GRIN2B: variants seen among roughly 807,000 people sequenced by gnomAD.
GRIN2B encodes the protein glutamate ionotropic receptor NMDA type subunit 2B.
Under a neutral mutation model 114.5 loss-of-function variants are expected in GRIN2B, and 5 were observed. The observed-to-expected ratio is 0.04, with a 90% CI of 0.02 to 0.09. GRIN2B has a LOEUF of 0.09. Ranked by LOEUF, GRIN2B falls within the 10% of genes least tolerant of loss-of-function variation. The pLI, the probability that GRIN2B is intolerant of heterozygous loss-of-function variation, is 1.00. For synonymous variants in GRIN2B, 787 were observed against 745.1 expected (o/e 1.06, Z -0.92); for missense variants, 1,108 against 1,943.5 (o/e 0.57, Z 8.08).
intron 3 of GRIN2B, among the ~76,000 whole-genome samples, chr12:13,822,843 C>A (rs1864964452): frequency 6.6e-6 from 1 of 152,080 alleles, no homozygotes; most frequent in African/African-American, 2.4e-5. Context: ...ATAAATGACA[C>A]CCAATCCTAG....
At chr12:13,957,074 C>T (rs538891364) in intron 2 of GRIN2B, among the ~76,000 whole-genome samples, 1 of 152,050 alleles carries the variant, frequency 6.6e-6, no homozygotes, top group South Asian at 2.1e-4. Context: ...GAATAGTGAA[C>T]AAGAAAAGAG....
chr12:13,962,240 G>C (rs1340617509), intron 2 of GRIN2B, among the ~76,000 whole-genome samples: 1 of 152,046 alleles, frequency 6.6e-6, no homozygotes, highest in African/African-American at 2.4e-5. Flanking sequence ...AACCAGGCGG[G>C]AGCAGAGGGA....
At chr12:13,808,881 C>T (rs572124236) in intron 3 of GRIN2B, among the ~76,000 whole-genome samples, 2 of 151,890 alleles carry the variant, frequency 1.3e-5, no homozygotes, top group South Asian at 4.2e-4. Context: ...CCAGTCATGA[C>T]AAAAACAAAA....
intron 4 of GRIN2B, among the ~76,000 whole-genome samples, chr12:13,694,852 G>C (rs1210314047): frequency 6.6e-6 from 1 of 151,526 alleles, no homozygotes; most frequent in Non-Finnish European, 1.5e-5. Context: ...ACTTTTTCCA[G>C]GACTGGGGAA....
At chr12:13,811,671 A>G (rs1864733612) in intron 3 of GRIN2B, among the ~76,000 whole-genome samples, 1 of 152,236 alleles carries the variant, frequency 6.6e-6, no homozygotes, top group Non-Finnish European at 1.5e-5. Flanking sequence ...TCTATTACTT[A>G]CCTGAGGGCT....
intron 2 of GRIN2B, among the ~76,000 whole-genome samples, chr12:13,908,510 C>T (rs1456496615): frequency 2.0e-5 from 3 of 152,160 alleles, no homozygotes; most frequent in African/African-American, 7.2e-5. Flanking sequence ...GTTGATATGG[C>T]TAGTAACTAG....
intron 3 of GRIN2B, among the ~76,000 whole-genome samples, chr12:13,761,932 A>G (rs1371286646): frequency 6.6e-6 from 1 of 152,202 alleles, no homozygotes; most frequent in African/African-American, 2.4e-5. Context: ...GTCAACACAA[A>G]TATAGGTCTG....
At chr12:13,857,099 A>T (rs1022354222) in intron 3 of GRIN2B, among the ~76,000 whole-genome samples, 1 of 152,198 alleles carries the variant, frequency 6.6e-6, no homozygotes, top group Non-Finnish European at 1.5e-5. Flanking sequence ...ACCTTGGAGA[A>T]GTGAGAGATG....
At chr12:13,805,887 T>G (rs1234520600) in intron 3 of GRIN2B, among the ~76,000 whole-genome samples, 1 of 152,126 alleles carries the variant, frequency 6.6e-6, no homozygotes, top group Non-Finnish European at 1.5e-5. Context: ...CATACCCCAA[T>G]TCCTTCAACT....
intron 3 of GRIN2B, among the ~76,000 whole-genome samples, chr12:13,835,029 G>A (rs779657910): frequency 1.1e-4 from 17 of 152,170 alleles, no homozygotes; most frequent in Non-Finnish European, 2.4e-4. Context: ...CAAGGACAGA[G>A]CACCAGCAAT....
chr12:13,693,095 C>T (rs993479609), intron 4 of GRIN2B, among the ~76,000 whole-genome samples: 1 of 152,018 alleles, frequency 6.6e-6, no homozygotes, highest in Non-Finnish European at 1.5e-5. Flanking sequence ...ATACATATAG[C>T]TCACATTTAT....
chr12:13,811,416 T>C (rs1864726852), intron 3 of GRIN2B, among the ~76,000 whole-genome samples: 1 of 151,930 alleles, frequency 6.6e-6, no homozygotes, highest in Non-Finnish European at 1.5e-5. Flanking sequence ...AGACCTCAAC[T>C]CTACAAAAGA....
intron 2 of GRIN2B, among the ~76,000 whole-genome samples, chr12:13,948,988 GA>G (rs1195823661): frequency 6.6e-6 from 1 of 152,154 alleles, no homozygotes; most frequent in African/African-American, 2.4e-5. Context: ...AGTCTTAAGA[GA>G]GTGTTCCCAG....
intron 4 of GRIN2B, among the ~76,000 whole-genome samples, chr12:13,688,501 C>T (rs887328100): frequency 6.6e-6 from 1 of 152,136 alleles, no homozygotes; most frequent in African/African-American, 2.4e-5. Context: ...TCATATTTCA[C>T]AAGCACTAAC....
intron 3 of GRIN2B, among the ~76,000 whole-genome samples, 153 bp from the exon 4 acceptor site, chr12:13,754,068 T>A (rs987777056): frequency 1.3e-5 from 2 of 152,246 alleles, no homozygotes; most frequent in African/African-American, 2.4e-5. Flanking sequence ...TAAATATTTT[T>A]AAATATTTAA....
chr12:13,701,786 A>G (rs1192298525), intron 4 of GRIN2B, among the ~76,000 whole-genome samples: 1 of 152,254 alleles, frequency 6.6e-6, no homozygotes, highest in Non-Finnish European at 1.5e-5. Context: ...CATAGCACTC[A>G]AAGATCCAGA....
intron 2 of GRIN2B, among the ~76,000 whole-genome samples, chr12:13,953,303 T>C (rs757910547): frequency 1.3e-5 from 2 of 152,106 alleles, no homozygotes; most frequent in African/African-American, 2.4e-5. Flanking sequence ...GTCAATGCAA[T>C]TATGAAGCTG....
intron 4 of GRIN2B, among the ~76,000 whole-genome samples, chr12:13,728,407 G>A (rs1056100300): frequency 5.9e-5 from 9 of 151,954 alleles, no homozygotes; most frequent in African/African-American, 1.9e-4. Flanking sequence ...AGCCACCAAA[G>A]GATGCCCACA....
chr12:13,704,105 G>C (rs1383741888), intron 4 of GRIN2B, among the ~76,000 whole-genome samples: 1 of 152,132 alleles, frequency 6.6e-6, no homozygotes, highest in Non-Finnish European at 1.5e-5. Flanking sequence ...ATAGTAATGT[G>C]GTCATGAGGC....
Sources: allele counts gnomAD v4.1 joint callset (sites outside exome capture counted in the v4.1 genomes callset), GRCh38; gene constraint gnomAD v4.1.1; transcripts MANE v1.5; gene names NCBI Gene and HGNC (gene_info 2026-07-23, HGNC 2026-07-21).